Variants in ENPP4 observed in about 807,000 individuals in gnomAD.
ENPP4 encodes the protein bis(5'-adenosyl)-triphosphatase ENPP4.
Under a neutral mutation model 33.4 loss-of-function variants are expected in ENPP4, and 18 were observed. The ratio of observed to expected loss-of-function variants is 0.54; its 90% CI spans 0.37 to 0.80. ENPP4 has a LOEUF of 0.80. ENPP4 is among the 30% of genes least tolerant of loss of function. The pLI, the probability that ENPP4 is intolerant of heterozygous loss-of-function variation, is 0.00. For missense variants in ENPP4, 480 were observed against 541.7 expected (o/e 0.89, Z 1.13); for synonymous variants, 172 against 189.9 (o/e 0.91, Z 0.78).
intron 1 of ENPP4, among the ~76,000 whole-genome samples, chr6:46,138,195 T>G (rs1764002917): frequency 6.6e-6 from 1 of 151,868 alleles, no homozygotes. Flanking sequence ...CACCAGAACC[T>G]CTAGTTGAAA....
chr6:46,133,764 CTGCT>C (rs1763937324), intron 1 of ENPP4, among the ~76,000 whole-genome samples: 2 of 152,148 alleles, frequency 1.3e-5, no homozygotes, highest in African/African-American at 4.8e-5. Context: ...TCCTTGGAAA[CTGCT>C]TGAGAACTTC....
At chr6:46,137,610 C>G (rs912123053) in intron 1 of ENPP4, among the ~76,000 whole-genome samples, 1 of 151,880 alleles carries the variant, frequency 6.6e-6, no homozygotes, top group Non-Finnish European at 1.5e-5. Context: ...AATTGCTGTG[C>G]TATGACTAGG....
chr6:46,140,426 C>CTATTT lies in ENPP4; in HGVS notation c.826+18_826+19insATTTT, dbSNP rs768538471. 5 of 1,402,956 alleles carry CTATTT rather than the reference C, an allele frequency of 3.6e-6. No individual in the cohort carries two copies. Among genetic ancestry groups the CTATTT allele is most frequent in the Non-Finnish European group, 4.9e-6 (5 of 1,027,480 alleles). 86.9% of individuals were successfully genotyped at this position (1,402,956 alleles called of 1,614,324 possible). A position where few individuals can be genotyped will look rare whatever the true frequency, so the allele number is the denominator to read the frequency against. On this transcript the variant is annotated intron_variant, in intron 2 of 3. Transcript: ENST00000321037. The stretch of plus-strand genomic sequence containing the variant: ...CCAAAATAAGTAAGTAAACATTCAA[C>CTATTT]TGAGGGATACTATTATTCGAATGGG...
intron 1 of ENPP4, among the ~76,000 whole-genome samples, chr6:46,137,040 T>C (rs1405226133): frequency 6.6e-6 from 1 of 151,914 alleles, no homozygotes; most frequent in African/African-American, 2.4e-5. Context: ...CAACTGATCA[T>C]ATACTCAGGG....
At chr6:46,142,286 C>CAT (rs1404120264) in intron 3 of ENPP4, among the ~76,000 whole-genome samples, 1 of 28,388 alleles carries the variant, frequency 3.5e-5, no homozygotes, top group African/African-American at 1.1e-4. Context: ...AATCTTTTTT[C>CAT]ATATATATAT....
intron 1 of ENPP4, among the ~76,000 whole-genome samples, chr6:46,131,796 T>C (rs1763906023): frequency 6.6e-6 from 1 of 152,074 alleles, no homozygotes; most frequent in South Asian, 2.1e-4. Flanking sequence ...TGTTCCTATT[T>C]CTCCACATCC....
chr6:46,140,364 A>G lies in ENPP4; in HGVS notation c.781A>G (p.Thr261Ala), dbSNP rs376405467. The G allele has an allele frequency of 3.7e-5, 59 of 1,600,526 alleles. No individual in the cohort carries two copies. The highest frequency in any genetic ancestry group is 4.8e-5 in the Non-Finnish European group (57 of 1,175,446). ...TTCCTGCATCGATCATTCATACTAC[A>G]CTCTTATAGATTTGAGCCCAGTTGC... ...LDSCIDHSYY[T>A]LIDLSPVAAI... is the part of the protein sequence containing the mutation. Residue 261 changes from threonine (T) to alanine (A), a missense_variant, in exon 2 of 4, where the codon ACT (threonine) becomes GCT (alanine). Coordinates refer to ENST00000321037, the MANE Select transcript of ENPP4 (RefSeq NM_014936.5).
intron 1 of ENPP4, among the ~76,000 whole-genome samples, chr6:46,136,087 A>AT (rs1208941152): frequency 2.6e-5 from 4 of 151,960 alleles, no homozygotes; most frequent in African/African-American, 9.7e-5. Context: ...ATTTATGAGT[A>AT]TTTTTCCCCG....
chr6:46,140,745 G>A (rs1764048588), intron 2 of ENPP4, among the ~76,000 whole-genome samples: 1 of 151,666 alleles, frequency 6.6e-6, no homozygotes, highest in Non-Finnish European at 1.5e-5. Flanking sequence ...GATCATAGAA[G>A]TAGTAGTTAG....
chr6:46,133,076 T>C (rs975905346), intron 1 of ENPP4, among the ~76,000 whole-genome samples: 2 of 152,278 alleles, frequency 1.3e-5, no homozygotes, highest in East Asian at 1.9e-4. Flanking sequence ...TTTCTAGATA[T>C]ACAATCATGT....
At chr6:46,132,215 A>C (rs1192298228) in intron 1 of ENPP4, among the ~76,000 whole-genome samples, 18 of 152,104 alleles carry the variant, frequency 1.2e-4, no homozygotes, top group Non-Finnish European at 2.2e-4. Context: ...TGTTTTAGAC[A>C]TGAAGTCCTT....
At position 46,141,116 on chromosome 6, in the gene ENPP4, A is replaced by G. The variant is rs762129440; in HGVS notation, c.891A>G (p.Glu297=). The change falls in exon 3 of 4, where the codon GAA becomes GAG. Residue 297 remains glutamate (E), a synonymous_variant. Transcript: ENST00000321037. ...CTCATATGAATGTTTATCTCAAAGA[A>G]GACATTCCTAACAGATTTTATTACC... The part of the protein sequence containing the change: ...CSPHMNVYLK[E]DIPNRFYYQH... 261 of 1,607,968 alleles carry G rather than the reference A, an allele frequency of 1.6e-4. 4 individuals carry two copies. The South Asian group carries it at 2.8e-3, about 17-fold the overall frequency.
rs1432979901 is a variant in ENPP4 at position 46,141,209 on chromosome 6, A to G, written c.984A>G (p.Glu328=). 9.3e-6 allele frequency: 15 copies of G among 1,606,862 alleles called. No homozygotes were observed. In the East Asian group the frequency reaches 1.1e-4, roughly 12 times the overall value. ...ADEGWTIVLN[E]SSQKLGDHGY... ...AAGGCTGGACAATTGTGCTAAATGA[A>G]TCATCACAAAAATGTAAGTATTTAG... is the stretch of plus-strand genomic sequence containing the variant. The change falls in exon 3 of 4, where the codon GAA becomes GAG. Residue 328 remains glutamate, a synonymous_variant. Coordinates refer to ENST00000321037, the MANE Select transcript of ENPP4 (RefSeq NM_014936.5).
chr6:46,145,844 G>A lies in ENPP4; in HGVS notation c.*2204G>A, dbSNP rs185697606. 6.6e-6 allele frequency: 1 copy of A among 151,982 alleles called. No individual in the cohort carries two copies. The highest frequency in any genetic ancestry group is 6.6e-5 in the Admixed American group (1 of 15,226). 9.4% of individuals were successfully genotyped at this position (151,982 alleles called of 1,614,324 possible). A position where few individuals can be genotyped will look rare whatever the true frequency, so the allele number is the denominator to read the frequency against. ...AAAGTATATGTTGATGGGACAAGAA[G>A]AATAGTATTTATTTAATAAAACATA... On this transcript the variant is annotated 3_prime_UTR_variant, in exon 4 of 4. Coordinates refer to ENST00000321037, the MANE Select transcript of ENPP4 (RefSeq NM_014936.5).
chr6:46,137,784 T>A (rs1763997196), intron 1 of ENPP4, among the ~76,000 whole-genome samples: 1 of 151,860 alleles, frequency 6.6e-6, no homozygotes, highest in Non-Finnish European at 1.5e-5. Context: ...CTGTCTCCGA[T>A]TAAAATAGTA....
At chr6:46,136,021 A>G (rs1006842793) in intron 1 of ENPP4, among the ~76,000 whole-genome samples, 1 of 152,032 alleles carries the variant, frequency 6.6e-6, no homozygotes, top group East Asian at 1.9e-4. Flanking sequence ...AGCTTTTAAA[A>G]TAATACATTA....
chr6:46,140,524 C>A, intron 2 of ENPP4, 115 bp downstream of exon 2: 1 of 640,406 alleles, frequency 1.6e-6, no homozygotes, highest in Non-Finnish European at 2.6e-6. Context: ...ACCATATACT[C>A]AGAGTGGGAT....
chr6:46,131,431 T>G (rs528231026), intron 1 of ENPP4, among the ~76,000 whole-genome samples: 16 of 152,128 alleles, frequency 1.1e-4, no homozygotes, highest in South Asian at 6.2e-4. Flanking sequence ...GTTCTTGCGA[T>G]AGTTTACTGA....
intron 2 of ENPP4, among the ~76,000 whole-genome samples, 198 bp downstream of exon 2, chr6:46,140,607 A>C (rs1404580595): frequency 2.0e-5 from 3 of 151,690 alleles, no homozygotes; most frequent in Non-Finnish European, 4.4e-5. Context: ...CTTATGGTTT[A>C]GTTTCAAAGT....
Sources: gnomAD v4.1 joint callset for allele counts (sites outside exome capture counted in the v4.1 genomes callset) on GRCh38, gnomAD v4.1.1 for gene constraint, MANE v1.5 for transcripts, NCBI Gene and HGNC (gene_info 2026-07-23, HGNC 2026-07-21) for gene names.